The following CLCA4 variants were observed in gnomAD, a reference collection of about 807,000 sequenced individuals.
CLCA4 encodes calcium-activated chloride channel regulator 4.
Under a neutral mutation model 78.9 loss-of-function variants are expected in CLCA4, and 69 were observed. The ratio of observed to expected loss-of-function variants is 0.87; its 90% confidence interval spans 0.72 to 1.07. The LOEUF (loss-of-function observed/expected upper bound fraction) is 1.07, where lower values mean the gene tolerates loss of function less well. Ranked by LOEUF, CLCA4 falls within the 50% of genes least tolerant of loss-of-function variation. The pLI, the probability that CLCA4 is intolerant of heterozygous loss-of-function variation, is 0.00. For missense variants in CLCA4, 1,133 were observed against 1,095.8 expected, an observed-to-expected ratio of 1.03 and a Z score of -0.48; for synonymous variants, 362 against 375.8, an observed-to-expected ratio of 0.96 and a Z score of 0.42.
chr1:86,568,668 TACAC>T (rs760718139), intron 7 of CLCA4, among the ~76,000 whole-genome samples: 9 of 151,936 alleles, frequency 5.9e-5, no homozygotes, highest in Non-Finnish European at 1.3e-4. Context: ...AACAACTTAC[TACAC>T]ACATTGTTCT....
intron 1 of CLCA4, among the ~76,000 whole-genome samples, chr1:86,555,399 C>T (rs1347205783): frequency 2.0e-5 from 3 of 152,128 alleles, no homozygotes; most frequent in African/African-American, 4.8e-5. Context: ...AGGAAGGGAT[C>T]CAGCTTCAAT....
intron 13 of CLCA4, 35 bp downstream of exon 13, chr1:86,579,622 T>A: frequency 8.7e-7 from 1 of 1,153,670 alleles, no homozygotes; most frequent in Non-Finnish European, 1.2e-6. Context: ...TTGACTTAAG[T>A]AAAAGGTGCT....
intron 1 of CLCA4, among the ~76,000 whole-genome samples, chr1:86,548,470 C>A (rs1405172431): frequency 6.6e-6 from 1 of 151,842 alleles, no homozygotes; most frequent in Non-Finnish European, 1.5e-5. Flanking sequence ...ATCATGAGGT[C>A]AGGATTTCGA....
In CLCA4 at chr1:86,577,990, T is replaced by G. The variant is rs759161101; in HGVS notation, c.2040T>G (p.Ala680=). ...ENGRYSLKVR[A]HGGANTARLK... is the part of the protein sequence containing the mutation. ...GCAGATATAGCTTAAAAGTTCGGGC[T>G]CATGGAGGAGCAAACACTGCCAGGC... The change falls in exon 12 of 14, where the codon GCT becomes GCG. Residue 680 remains alanine (A), a synonymous_variant. Transcript: ENST00000370563. 1.9e-6 allele frequency: 3 copies of G among 1,612,828 alleles called. No individual in the cohort carries two copies. The Admixed American group carries it at 5.0e-5, about 27-fold the overall frequency.
chr1:86,580,173 T>G lies in CLCA4; in HGVS notation c.2588T>G (p.Val863Gly), dbSNP rs1015213801. 6.2e-7 allele frequency: 1 copy of G among 1,612,636 alleles called. No homozygotes were observed. Among genetic ancestry groups the G allele is most frequent in the Non-Finnish European group, 8.5e-7 (1 of 1,179,394 alleles). The change falls in exon 14 of 14, where the codon GTA (valine) becomes GGA (glycine). Residue 863 changes from valine (V) to glycine (G), a missense_variant. By Grantham distance (109) the Val-to-Gly change is moderately radical (BLOSUM62 -3). Coordinates refer to ENST00000370563, the MANE Select transcript of CLCA4 (RefSeq NM_012128.4). Reference sequence around the variant, plus strand: ...TCAAAAGTATCCAACATTGCACAAGTAACTTTGTTTATCCCTCAAGCAAAT... The same window carrying G: ...TCAAAAGTATCCAACATTGCACAAGGAACTTTGTTTATCCCTCAAGCAAAT... ...LTSKVSNIAQVTLFIPQANPD... is the reference protein window; with the variant it reads ...LTSKVSNIAQGTLFIPQANPD...
At chr1:86,552,876 C>T (rs781445581) in intron 1 of CLCA4, 1 of 715,998 alleles carries the variant, frequency 1.4e-6, no homozygotes, top group Admixed American at 2.1e-5. Flanking sequence ...TTTGCGAAAG[C>T]TTCCTCTGTT....
rs934774674 is a variant in CLCA4 at position 86,566,001 on chromosome 1, A to G, written c.935A>G (p.Asp312Gly). Residue 312 changes from aspartate to glycine, a missense_variant, in exon 6 of 14, where the codon GAT (aspartate) becomes GGT (glycine). Asp to Gly is a moderately conservative substitution (Grantham distance 94). Coordinates refer to ENST00000370563, the MANE Select transcript of CLCA4 (RefSeq NM_012128.4). ...CAAAGAATTGTGTGCTTAGTTCTTG[A>G]TAAGTCTGGAAGCATGGGGGTAAGA... Reference protein sequence around the residue: ...ISQRIVCLVLDKSGSMGGKDR... With the variant: ...ISQRIVCLVLGKSGSMGGKDR... 9 of 1,612,664 alleles carry G rather than the reference A, an allele frequency of 5.6e-6. No homozygotes were observed. The highest frequency in any genetic ancestry group is 7.6e-6 in the Non-Finnish European group (9 of 1,178,948).
At position 86,575,386 on chromosome 1, in the gene CLCA4, A is replaced by G. The variant is rs1419068380; in HGVS notation, c.1738A>G (p.Ile580Val). The G allele has an allele frequency of 6.2e-7, 1 of 1,613,298 alleles. No homozygotes were observed. The highest frequency in any genetic ancestry group is 8.5e-7 in the Non-Finnish European group (1 of 1,179,464). ...QAKANPETLT[I>V]TVTSRAANSS... The stretch of plus-strand genomic sequence containing the variant: ...CAAAGCGAACCCAGAAACATTAACT[A>G]TTACAGTAACTTCTCGAGCAGCAAA... The change falls in exon 11 of 14, where the codon ATT becomes GTT. Residue 580 changes from isoleucine to valine, a missense_variant. Transcript: ENST00000370563.
At position 86,578,023 on chromosome 1, in the gene CLCA4, A is replaced by C; in HGVS notation, c.2073A>C (p.Leu691Phe). 2.5e-6 allele frequency: 4 copies of C among 1,612,794 alleles called. No individual in the cohort carries two copies. Among genetic ancestry groups the C allele is most frequent in the Non-Finnish European group, 3.4e-6 (4 of 1,179,324 alleles). Residue 691 changes from leucine (L) to phenylalanine (F), a missense_variant, in exon 12 of 14, where the codon TTA (leucine) becomes TTC (phenylalanine). Transcript: ENST00000370563. ...HGGANTARLK[L>F]RPPLNRAAYI... ...GAGCAAACACTGCCAGGCTAAAATT[A>C]CGGCCTCCACTGAATAGAGCCGCGT...
chr1:86,568,443 T>G (rs1443791183), intron 7 of CLCA4, among the ~76,000 whole-genome samples: 1 of 150,522 alleles, frequency 6.6e-6, no homozygotes, highest in Non-Finnish European at 1.5e-5. Context: ...TTATGAACAT[T>G]ATTTTTAGCC....
rs148685355 is a variant in CLCA4 at position 86,579,133 on chromosome 1, C to A, written c.2123-221C>A. Among the ~76,000 whole-genome samples, 315 of 152,074 alleles carry A rather than the reference C, an allele frequency of 2.1e-3. 5 individuals are homozygous for A. Among genetic ancestry groups the A allele is most frequent in the Admixed American group, 0.017 (266 of 15,248 alleles). ...TAATATTTCTGTCACCCAGTGTAGG[C>A]TTAATTCTAAAGCAATTTGTTTTCT... On this transcript the variant is annotated intron_variant, in intron 12 of 13. Coordinates refer to ENST00000370563, the MANE Select transcript of CLCA4 (RefSeq NM_012128.4).
intron 12 of CLCA4, 76 bp downstream of exon 12, chr1:86,578,148 C>T: frequency 2.3e-6 from 3 of 1,330,924 alleles, no homozygotes; most frequent in Non-Finnish European, 2.0e-6. Flanking sequence ...AGGCTTCAAA[C>T]AGGTTGATTA....
intron 1 of CLCA4, among the ~76,000 whole-genome samples, chr1:86,549,714 A>T (rs2101786688): frequency 6.6e-6 from 1 of 152,358 alleles, no homozygotes; most frequent in African/African-American, 2.4e-5. Context: ...TCAAGGAAGA[A>T]TTCAAGAGTT....
intron 3 of CLCA4, among the ~76,000 whole-genome samples, chr1:86,562,783 T>C (rs1240440038): frequency 6.8e-6 from 1 of 148,000 alleles, no homozygotes; most frequent in Non-Finnish European, 1.5e-5. Context: ...GAACCCAGGA[T>C]GCAGAGGTTG....
intron 6 of CLCA4, among the ~76,000 whole-genome samples, chr1:86,566,730 G>A (rs913008460): frequency 1.3e-5 from 2 of 151,980 alleles, no homozygotes; most frequent in African/African-American, 4.8e-5. Flanking sequence ...GGCATAAATT[G>A]GCGGGGAGTA....
Position 86,560,071 on chromosome 1 carries a change from A to G in CLCA4, c.299A>G (p.His100Arg), listed in dbSNP as rs202097090. 149 of 1,580,554 alleles carry G rather than the reference A, an allele frequency of 9.4e-5. No individual in the cohort carries two copies. Among genetic ancestry groups the G allele is most frequent in the Non-Finnish European group, 1.3e-4 (148 of 1,169,506 alleles). ...AGGCCAAAACATGAAAACCATAAAC[A>G]TGTAAGTGTCGAAATATTCTCTTAA... is the stretch of plus-strand genomic sequence containing the variant. ...YKRPKHENHKHADVIVAPPTL... is the reference protein window; with the variant it reads ...YKRPKHENHKRADVIVAPPTL... The change falls in exon 2 of 14, where the codon CAT (histidine) becomes CGT (arginine). Residue 100 changes from histidine to arginine, a missense_variant and splice_region_variant. Coordinates refer to ENST00000370563, the MANE Select transcript of CLCA4 (RefSeq NM_012128.4).
chr1:86,558,514 T>G (rs1158499404), intron 1 of CLCA4, among the ~76,000 whole-genome samples: 1 of 152,166 alleles, frequency 6.6e-6, no homozygotes, highest in African/African-American at 2.4e-5. Context: ...TCCACTCTTA[T>G]GCTGTTAATA....
intron 4 of CLCA4, among the ~76,000 whole-genome samples, chr1:86,564,347 A>T (rs1056928257): frequency 1.3e-5 from 2 of 152,150 alleles, no homozygotes; most frequent in Admixed American, 6.5e-5. Flanking sequence ...ACTTGACACT[A>T]ATGTGAGAAC....
intron 3 of CLCA4, among the ~76,000 whole-genome samples, chr1:86,562,832 C>T (rs1650063854): frequency 7.2e-6 from 1 of 139,332 alleles, no homozygotes; most frequent in Admixed American, 7.7e-5. Flanking sequence ...CCAGCCCAGG[C>T]GACAGTGCGA....
Sources: allele counts gnomAD v4.1 joint callset (sites outside exome capture counted in the v4.1 genomes callset), GRCh38; gene constraint gnomAD v4.1.1; transcripts MANE v1.5; gene names NCBI Gene and HGNC (gene_info 2026-07-23, HGNC 2026-07-21).